PITPNC1: variants seen among roughly 807,000 people sequenced by gnomAD.
PITPNC1 encodes cytoplasmic phosphatidylinositol transfer protein 1.
A neutral mutation model predicts 44.7 loss-of-function variants in PITPNC1; 18 were observed. The ratio of observed to expected loss-of-function variants is 0.40; its 90% CI spans 0.28 to 0.60. The LOEUF (loss-of-function observed/expected upper bound fraction) is 0.60. PITPNC1 is among the 20% of genes least tolerant of loss of function. PITPNC1 has a pLI of 0.39. For missense variants in PITPNC1, 290 were observed against 418.4 expected (o/e 0.69, Z 2.68); for synonymous variants, 141 against 149.6 (o/e 0.94, Z 0.42).
At chr17:67,519,171 G>GTTTTTTTTTT (rs563294178) in intron 1 of PITPNC1, among the ~76,000 whole-genome samples, 1 of 78,752 alleles carries the variant, frequency 1.3e-5, no homozygotes, top group African/African-American at 5.3e-5. Context: ...GCAGCATTCT[G>GTTTTTTTTTT]TTTTTTTTTT....
intron 6 of PITPNC1, among the ~76,000 whole-genome samples, chr17:67,633,871 G>C (rs1368499319): frequency 6.6e-6 from 1 of 152,266 alleles, no homozygotes; most frequent in Non-Finnish European, 1.5e-5. Context: ...AAGCAGGGTT[G>C]CCAGAAAACT....
chr17:67,607,886 G>A (rs2041629880), intron 5 of PITPNC1, among the ~76,000 whole-genome samples: 1 of 151,888 alleles, frequency 6.6e-6, no homozygotes, highest in Admixed American at 6.6e-5. Context: ...CCGCCACCAT[G>A]CCCAGCTAAA....
At chr17:67,603,398 T>C (rs1180336074) in intron 5 of PITPNC1, among the ~76,000 whole-genome samples, 1 of 152,206 alleles carries the variant, frequency 6.6e-6, no homozygotes, top group Non-Finnish European at 1.5e-5. Context: ...GCAGGAATAT[T>C]TACATGAGCC....
At chr17:67,634,610 G>T (rs906108077) in intron 6 of PITPNC1, among the ~76,000 whole-genome samples, 1 of 152,084 alleles carries the variant, frequency 6.6e-6, no homozygotes, top group African/African-American at 2.4e-5. Flanking sequence ...CAAATACCAC[G>T]CAGAGAGTAT....
chr17:67,663,396 C>T (rs969098062), intron 6 of PITPNC1, among the ~76,000 whole-genome samples: 8 of 152,010 alleles, frequency 5.3e-5, no homozygotes, highest in African/African-American at 1.9e-4. Flanking sequence ...AGTGAAACCC[C>T]CGTCTCTCCT....
intron 5 of PITPNC1, among the ~76,000 whole-genome samples, chr17:67,627,405 A>G (rs1189216035): frequency 1.3e-5 from 2 of 152,220 alleles, no homozygotes; most frequent in Non-Finnish European, 2.9e-5. Flanking sequence ...CGTGCTTGCT[A>G]TTCCATGGAC....
chr17:67,529,440 G>A (rs528068320), intron 1 of PITPNC1, among the ~76,000 whole-genome samples: 75 of 152,286 alleles, frequency 4.9e-4, no homozygotes, highest in Non-Finnish European at 2.8e-4. Flanking sequence ...AAGCAGGATC[G>A]GTGCTTTTGT....
intron 1 of PITPNC1, chr17:67,379,204 C>G: frequency 1.0e-6 from 1 of 985,764 alleles, no homozygotes; most frequent in Non-Finnish European, 1.2e-6. Context: ...GGTGTGGCAA[C>G]ACACATGAAA....
chr17:67,675,398 C>A, intron 7 of PITPNC1, 81 bp from the exon 8 acceptor site: 1 of 979,336 alleles, frequency 1.0e-6, no homozygotes, highest in African/African-American at 1.6e-5. Context: ...CACCAAGATC[C>A]CCAGAATTGT....
At chr17:67,420,286 T>C (rs2038651867) in intron 1 of PITPNC1, among the ~76,000 whole-genome samples, 1 of 152,178 alleles carries the variant, frequency 6.6e-6, no homozygotes, top group African/African-American at 2.4e-5. Context: ...AGAATCTCAA[T>C]GTGTGACCAA....
chr17:67,438,175 A>G (rs2038962928), intron 1 of PITPNC1, among the ~76,000 whole-genome samples: 1 of 152,204 alleles, frequency 6.6e-6, no homozygotes. Context: ...CCTAGCCATG[A>G]ACGTTGTAAT....
chr17:67,472,782 G>A (rs1351588900), intron 1 of PITPNC1, among the ~76,000 whole-genome samples: 1 of 152,160 alleles, frequency 6.6e-6, no homozygotes, highest in Non-Finnish European at 1.5e-5. Context: ...CATTAGAAGT[G>A]AGTCACTCAG....
intron 6 of PITPNC1, among the ~76,000 whole-genome samples, chr17:67,639,370 G>A (rs191519581): frequency 1.3e-5 from 2 of 152,290 alleles, no homozygotes; most frequent in East Asian, 3.9e-4. Flanking sequence ...GCCCTCAAAG[G>A]TCCTGTCTTC....
intron 1 of PITPNC1, among the ~76,000 whole-genome samples, chr17:67,490,214 G>A (rs2039844415): frequency 6.6e-6 from 1 of 150,376 alleles, no homozygotes; most frequent in Non-Finnish European, 1.5e-5. Context: ...TGAGGAATGA[G>A]GATGCATTAT....
intron 5 of PITPNC1, among the ~76,000 whole-genome samples, chr17:67,614,242 C>A (rs1232097459): frequency 6.6e-6 from 1 of 152,128 alleles, no homozygotes; most frequent in Non-Finnish European, 1.5e-5. Flanking sequence ...CAGATCTTCT[C>A]TACTACCCAG....
chr17:67,661,184 C>T (rs899052844), intron 6 of PITPNC1, among the ~76,000 whole-genome samples: 1 of 151,926 alleles, frequency 6.6e-6, no homozygotes, highest in Non-Finnish European at 1.5e-5. Context: ...CTTTCCAGGC[C>T]TATGCATATG....
intron 1 of PITPNC1, among the ~76,000 whole-genome samples, chr17:67,448,227 A>G (rs2039128222): frequency 2.6e-5 from 4 of 152,120 alleles, no homozygotes; most frequent in Admixed American, 6.6e-5. Flanking sequence ...GATTACAGGC[A>G]TGAGCCACTG....
intron 6 of PITPNC1, 26 bp downstream of exon 6, chr17:67,632,264 G>A (rs2144333793): frequency 2.2e-6 from 3 of 1,378,820 alleles, no homozygotes; most frequent in Non-Finnish European, 3.1e-6. Context: ...GATGAGATGT[G>A]GAAGATTCAT....
intron 1 of PITPNC1, among the ~76,000 whole-genome samples, chr17:67,426,396 G>A (rs754048840): frequency 2.7e-4 from 41 of 152,058 alleles, no homozygotes; most frequent in Non-Finnish European, 1.6e-4. Context: ...AAGAAAATGT[G>A]GTACATATAC....
Sources: allele counts gnomAD v4.1 joint callset (sites outside exome capture counted in the v4.1 genomes callset), GRCh38; gene constraint gnomAD v4.1.1; transcripts MANE v1.5; gene names NCBI Gene and HGNC (gene_info 2026-07-23, HGNC 2026-07-21).